DLGAP2: variants seen among roughly 807,000 people sequenced by gnomAD.
The protein encoded by DLGAP2 is DLG associated protein 2, also known as disks large-associated protein 2.
Under a neutral mutation model 100.3 loss-of-function variants are expected in DLGAP2, and 26 were observed. That is an observed-to-expected ratio of 0.26 (90% CI 0.19 to 0.36). The LOEUF (loss-of-function observed/expected upper bound fraction) is 0.36. Among genes scored for constraint, DLGAP2 ranks in the 10% least tolerant of loss-of-function variants. The probability of loss-of-function intolerance (pLI) is 1.00; values close to 1 mark genes in which losing one functional copy is unlikely to be tolerated. For missense variants in DLGAP2, 1,858 were observed against 1,453.2 expected, an observed-to-expected ratio of 1.28 and a Z score of -4.53; for synonymous variants, 886 against 630.1, an observed-to-expected ratio of 1.41 and a Z score of -6.08.
chr8:1,451,876 C>G lies in DLGAP2; in HGVS notation c.107-49490C>G, dbSNP rs2130114224. On this transcript the variant is annotated intron_variant, in intron 3 of 14. Coordinates refer to ENST00000637795, the MANE Select transcript of DLGAP2 (RefSeq NM_001346810.2). ...ATGTACCCAAACCATCCTGTTCCCTCCACCAGAGCTCACGGGCTCCCACAC... is the reference window on the plus strand; with the variant it reads ...ATGTACCCAAACCATCCTGTTCCCTGCACCAGAGCTCACGGGCTCCCACAC... 3.9e-5 allele frequency among the ~76,000 whole-genome samples: 6 copies of G among 152,392 alleles called. No homozygotes were observed. In the South Asian group the frequency reaches 1.2e-3, roughly 32 times the overall value.
In DLGAP2 at chr8:1,436,842, C is replaced by G. The variant is rs1241456263; in HGVS notation, c.107-64524C>G. On this transcript the variant is annotated intron_variant, in intron 3 of 14. Coordinates refer to ENST00000637795, the MANE Select transcript of DLGAP2 (RefSeq NM_001346810.2). ...CCTCTGCAGACGTACCATTTTTAAC[C>G]TTTTGTACCATATTTTTACTGTAGC... Among the ~76,000 whole-genome samples, 4 of 152,302 alleles carry G rather than the reference C, an allele frequency of 2.6e-5. No individual in the cohort carries two copies. In the East Asian group the frequency reaches 7.7e-4, roughly 29 times the overall value.
chr8:1,350,799 T>C lies in DLGAP2; in HGVS notation c.106+91916T>C, dbSNP rs1352764511. On this transcript the variant is annotated intron_variant, in intron 3 of 14. Transcript: ENST00000637795. ...GTGGAAAGGCCGTGCGGGTCCTGAGTGTGCGTGGAAAGGCCATGCGGGTCC... is the reference window on the plus strand; with the variant it reads ...GTGGAAAGGCCGTGCGGGTCCTGAGCGTGCGTGGAAAGGCCATGCGGGTCC... 1.1e-3 allele frequency among the ~76,000 whole-genome samples: 46 copies of C among 40,448 alleles called. 5 individuals are homozygous for C. Among genetic ancestry groups the C allele is most frequent in the African/African-American group, 1.4e-3 (18 of 12,858 alleles). The allele number at this position is 40,448 out of a possible 152,430, so 26.5% of individuals were successfully genotyped here. A position where few individuals can be genotyped will look rare whatever the true frequency, so the allele number is the denominator to read the frequency against.
At chr8:1,166,590 A>G (rs1340755363) in intron 2 of DLGAP2, among the ~76,000 whole-genome samples, 1 of 152,052 alleles carries the variant, frequency 6.6e-6, no homozygotes, top group Non-Finnish European at 1.5e-5. Context: ...AATGGTGTTT[A>G]TTTCTCCAAT....
chr8:920,046 C>G (rs1048213117), intron 2 of DLGAP2, among the ~76,000 whole-genome samples: 4 of 152,142 alleles, frequency 2.6e-5, no homozygotes, highest in African/African-American at 9.7e-5. Flanking sequence ...AGAGAAAGCA[C>G]GCGGAGCATG....
At chr8:989,534 T>C (rs1027486360) in intron 2 of DLGAP2, among the ~76,000 whole-genome samples, 3 of 152,144 alleles carry the variant, frequency 2.0e-5, no homozygotes, top group Non-Finnish European at 4.4e-5. Context: ...GGTACCAACT[T>C]TCTCACATGT....
intron 3 of DLGAP2, among the ~76,000 whole-genome samples, chr8:1,278,007 A>G (rs751916489): frequency 3.3e-4 from 50 of 152,182 alleles, no homozygotes; most frequent in Non-Finnish European, 5.9e-4. Flanking sequence ...ACAAGTTATT[A>G]TTTTTAGTCA....
intron 3 of DLGAP2, among the ~76,000 whole-genome samples, chr8:1,335,950 A>T (rs1167804811): frequency 6.6e-6 from 1 of 152,236 alleles, no homozygotes; most frequent in Admixed American, 6.5e-5. Context: ...CGCGGGAGGC[A>T]TCAGGGCCCA....
intron 2 of DLGAP2, among the ~76,000 whole-genome samples, chr8:1,166,242 C>A (rs1288821609): frequency 6.6e-6 from 1 of 152,194 alleles, no homozygotes; most frequent in Non-Finnish European, 1.5e-5. Flanking sequence ...CCTCCTGCTG[C>A]CTTCCTGAGT....
chr8:1,696,091 C>T (rs1458971758), intron 13 of DLGAP2, among the ~76,000 whole-genome samples: 4 of 152,198 alleles, frequency 2.6e-5, no homozygotes, highest in Non-Finnish European at 5.9e-5. Context: ...GCTGAGTGTG[C>T]ACTGCTGAAA....
chr8:1,091,910 A>T (rs565470594), intron 2 of DLGAP2, among the ~76,000 whole-genome samples: 1 of 151,508 alleles, frequency 6.6e-6, no homozygotes, highest in Non-Finnish European at 1.5e-5. Context: ...AGCTCCCCAC[A>T]TCCCAGGCTG....
At chr8:1,428,476 C>CTA (rs1563140704) in intron 3 of DLGAP2, among the ~76,000 whole-genome samples, 3 of 152,134 alleles carry the variant, frequency 2.0e-5, no homozygotes, top group Admixed American at 1.3e-4. Context: ...GAGGGGAAAG[C>CTA]TACTTGGCTA....
intron 1 of DLGAP2, among the ~76,000 whole-genome samples, chr8:856,602 G>C (rs1247216534): frequency 6.6e-6 from 1 of 152,198 alleles, no homozygotes; most frequent in Non-Finnish European, 1.5e-5. Flanking sequence ...TAGAATTTGA[G>C]ATTGAAAACA....
intron 3 of DLGAP2, among the ~76,000 whole-genome samples, chr8:1,362,182 G>C (rs947241279): frequency 6.6e-6 from 1 of 152,170 alleles, no homozygotes; most frequent in Non-Finnish European, 1.5e-5. Flanking sequence ...TGGCAGGGGA[G>C]GGCAGGGGCG....
chr8:952,602 A>G (rs1023636412), intron 2 of DLGAP2, among the ~76,000 whole-genome samples: 1 of 152,128 alleles, frequency 6.6e-6, no homozygotes, highest in African/African-American at 2.4e-5. Context: ...ACGCCACTGT[A>G]CTCCAGCCTG....
chr8:1,230,146 TAAAG>T (rs1381149869), intron 2 of DLGAP2, among the ~76,000 whole-genome samples: 1 of 152,154 alleles, frequency 6.6e-6, no homozygotes, highest in East Asian at 1.9e-4. Flanking sequence ...CTGGAACTGA[TAAAG>T]AAAATTTCAG....
intron 3 of DLGAP2, among the ~76,000 whole-genome samples, chr8:1,353,330 G>A (rs1009388619): frequency 1.3e-5 from 2 of 152,228 alleles, no homozygotes; most frequent in Non-Finnish European, 2.9e-5. Flanking sequence ...ACTTTATGAT[G>A]CTGTGAAAGT....
chr8:1,679,803 A>T (rs1021385221), intron 12 of DLGAP2, among the ~76,000 whole-genome samples: 18 of 152,170 alleles, frequency 1.2e-4, no homozygotes, highest in East Asian at 9.7e-4. Context: ...CCAACATGGT[A>T]AAGCCCCATA....
chr8:1,138,649 C>G (rs1024184487), intron 2 of DLGAP2, among the ~76,000 whole-genome samples: 2 of 152,258 alleles, frequency 1.3e-5, no homozygotes, highest in Non-Finnish European at 2.9e-5. Flanking sequence ...TGGAATGTTG[C>G]TGGCCTCCCT....
At chr8:1,161,186 C>G (rs182027305) in intron 2 of DLGAP2, among the ~76,000 whole-genome samples, 1 of 152,110 alleles carries the variant, frequency 6.6e-6, no homozygotes, top group African/African-American at 2.4e-5. Context: ...GTAAACACAT[C>G]GATGTATCCT....
Sources: gnomAD v4.1 joint callset for allele counts (sites outside exome capture counted in the v4.1 genomes callset) on GRCh38, gnomAD v4.1.1 for gene constraint, MANE v1.5 for transcripts, NCBI Gene and HGNC (gene_info 2026-07-23, HGNC 2026-07-21) for gene names.